Variants in MACROD1 observed in about 807,000 individuals in gnomAD.
MACROD1 encodes the protein ADP-ribose glycohydrolase MACROD1.
A neutral mutation model predicts 41.4 loss-of-function variants in MACROD1; 31 were observed. The observed-to-expected ratio is 0.75, with a 90% CI of 0.56 to 1.01. The LOEUF is 1.01. Ranked by LOEUF, MACROD1 falls within the 50% of genes least tolerant of loss-of-function variation. The pLI, the probability that MACROD1 is intolerant of heterozygous loss-of-function variation, is 0.00. For missense variants in MACROD1, 473 were observed against 460.0 expected (o/e 1.03, Z -0.26); for synonymous variants, 252 against 203.4 (o/e 1.24, Z -2.03).
At chr11:64,109,535 T>C (rs936268199) in intron 3 of MACROD1, among the ~76,000 whole-genome samples, 1 of 151,942 alleles carries the variant, frequency 6.6e-6, no homozygotes, top group Non-Finnish European at 1.5e-5. Context: ...GCCTCAGGAC[T>C]TCTCAGGGGT....
chr11:63,999,157 G>A, intron 8 of MACROD1, 121 bp from the exon 9 acceptor site: 1 of 1,310,382 alleles, frequency 7.6e-7, no homozygotes, highest in Non-Finnish European at 1.0e-6. Flanking sequence ...GAGGCTCACG[G>A]CTGTGTGCCA....
At chr11:64,114,924 A>T (rs984092092) in intron 3 of MACROD1, among the ~76,000 whole-genome samples, 5 of 152,214 alleles carry the variant, frequency 3.3e-5, no homozygotes, top group Admixed American at 6.5e-5. Flanking sequence ...AAGAAAAAGC[A>T]GCTCAGGAAT....
intron 3 of MACROD1, among the ~76,000 whole-genome samples, chr11:64,130,899 T>C (rs76523632): frequency 0.012 from 1,819 of 152,328 alleles, 30 homozygotes; most frequent in African/African-American, 0.042. Context: ...GAAATCTTAT[T>C]TGCAATGCTG....
chr11:64,113,607 A>G (rs1161316440), intron 3 of MACROD1, among the ~76,000 whole-genome samples: 9 of 1,726 alleles, frequency 5.2e-3, no homozygotes, highest in Admixed American at 0.014. Flanking sequence ...GGTTAGGTGG[A>G]TGGATGGATG....
intron 3 of MACROD1, among the ~76,000 whole-genome samples, chr11:64,034,859 G>T (rs1943344023): frequency 6.6e-6 from 1 of 152,202 alleles, no homozygotes; most frequent in Non-Finnish European, 1.5e-5. Context: ...AGGTGATGAG[G>T]TCTGACCAGG....
In MACROD1 at chr11:64,165,915, CG is replaced by C. The variant is rs1254261227; in HGVS notation, c.79del (p.Arg27GlyfsTer63). On this transcript the variant is annotated frameshift_variant, in exon 1 of 11. Coordinates refer to ENST00000255681, the MANE Select transcript of MACROD1 (RefSeq NM_014067.4). LOFTEE classifies it high-confidence loss of function. ...CGTGGCACCCGCCAAGTGTCCGGGC[CG>C]GGGGCGCGGGGGGACGAGCAGCTGC... ...AGQLLVPPRP[R>X]PGHLAGATRT... is the part of the protein sequence containing the mutation. 2.3e-6 allele frequency: 3 copies of C among 1,331,084 alleles called. No individual in the cohort carries two copies. Among genetic ancestry groups the C allele is most frequent in the Non-Finnish European group, 2.9e-6 (3 of 1,047,728 alleles). 82.5% of individuals were successfully genotyped at this position (1,331,084 alleles called of 1,614,324 possible).
At chr11:64,163,599 C>T (rs1945789731) in intron 1 of MACROD1, among the ~76,000 whole-genome samples, 1 of 152,200 alleles carries the variant, frequency 6.6e-6, no homozygotes, top group Admixed American at 6.5e-5. Context: ...AAGTGACCAA[C>T]CGAGGCCTCT....
chr11:64,072,052 C>T (rs746106272), intron 3 of MACROD1, among the ~76,000 whole-genome samples: 4 of 151,664 alleles, frequency 2.6e-5, no homozygotes, highest in Non-Finnish European at 5.9e-5. Context: ...GCACTAAATC[C>T]TCCCGGCAGA....
chr11:64,165,531 G>A (rs557528866), intron 1 of MACROD1, among the ~76,000 whole-genome samples, 166 bp downstream of exon 1: 27 of 151,694 alleles, frequency 1.8e-4, no homozygotes, highest in Middle Eastern at 6.9e-3. Context: ...CGCGGGGGCG[G>A]GGGGGGCTGT....
At chr11:64,151,024 T>G (rs968392495) in intron 3 of MACROD1, among the ~76,000 whole-genome samples, 1 of 152,052 alleles carries the variant, frequency 6.6e-6, no homozygotes, top group Non-Finnish European at 1.5e-5. Flanking sequence ...TGGGTCTCAG[T>G]GGAGCAAGGC....
chr11:64,108,991 T>A (rs1944813101), intron 3 of MACROD1, among the ~76,000 whole-genome samples: 2 of 152,200 alleles, frequency 1.3e-5, no homozygotes, highest in East Asian at 3.9e-4. Context: ...GGGGGAGACG[T>A]GACCAGCATC....
In MACROD1 at chr11:63,999,376, G is replaced by A. The variant is rs373560003; in HGVS notation, c.846C>T (p.Ile282=). Residue 282 remains isoleucine, a synonymous_variant, in exon 8 of 11, where the codon ATC becomes ATT. Transcript: ENST00000255681. The part of the protein sequence containing the change: ...FGYPCEAAAE[I]VLATLREWLE... ...GCCACTCTCGCAGCGTGGCCAGCAC[G>A]ATCTCGGCGGCCGCCTCACAGGGGT... is the stretch of plus-strand genomic sequence containing the variant. 6 of 1,592,538 alleles carry A rather than the reference G, an allele frequency of 3.8e-6. No homozygotes were observed. The African/African-American group carries it at 4.0e-5, about 11-fold the overall frequency.
chr11:64,131,835 T>C (rs941287171), intron 3 of MACROD1, among the ~76,000 whole-genome samples: 1 of 152,142 alleles, frequency 6.6e-6, no homozygotes, highest in Middle Eastern at 3.4e-3. Flanking sequence ...TGAGTAAATA[T>C]TTGTGGTTGG....
At chr11:64,060,164 C>T (rs932762291) in intron 3 of MACROD1, among the ~76,000 whole-genome samples, 3 of 152,238 alleles carry the variant, frequency 2.0e-5, no homozygotes, top group Non-Finnish European at 4.4e-5. Flanking sequence ...ATATTTAAGG[C>T]GCGGACGGCG....
At chr11:64,060,925 G>A (rs1295710394) in intron 3 of MACROD1, among the ~76,000 whole-genome samples, 1 of 151,878 alleles carries the variant, frequency 6.6e-6, no homozygotes, top group Non-Finnish European at 1.5e-5. Context: ...TGACCTTGGC[G>A]GGCATGCGCA....
chr11:64,156,586 A>G (rs1240776230), intron 1 of MACROD1, among the ~76,000 whole-genome samples: 1 of 152,204 alleles, frequency 6.6e-6, no homozygotes, highest in Non-Finnish European at 1.5e-5. Context: ...TGTTCTAGAG[A>G]GGAGGCAGAG....
intron 3 of MACROD1, among the ~76,000 whole-genome samples, chr11:64,114,343 T>TGATGGAGGGATGGTGGACA (rs1565239211): frequency 7.3e-6 from 1 of 136,252 alleles, no homozygotes; most frequent in Non-Finnish European, 1.6e-5. Context: ...AGTAGATACA[T>TGATGGAGGGATGGTGGACA]GATGGATGGA....
intron 1 of MACROD1, among the ~76,000 whole-genome samples, chr11:64,157,688 C>T (rs575234438): frequency 4.6e-5 from 7 of 152,118 alleles, no homozygotes; most frequent in African/African-American, 1.4e-4. Context: ...GTGCAGCGGG[C>T]GAATGGGAAT....
chr11:63,999,713 G>A lies in MACROD1; in HGVS notation c.715C>T (p.Gln239Ter). The A allele has an allele frequency of 6.2e-7, 1 of 1,608,942 alleles. No individual in the cohort carries two copies. Among genetic ancestry groups the A allele is most frequent in the Non-Finnish European group, 8.5e-7 (1 of 1,179,398 alleles). Residue 239 changes from glutamine (Q) to a stop codon, truncating the protein, a stop_gained, in exon 6 of 11, where the codon CAG becomes TAG. Transcript: ENST00000255681. LOFTEE classifies it high-confidence loss of function. ...TAGCAGCTGCGGAGCTCGGCAGCCT[G>A]ACTGGCGCTGGGCTCCCCGTAGGCG... ...PIAYGEPSAS[Q>*]AAELRSCYLS...
Sources: allele counts gnomAD v4.1 joint callset (sites outside exome capture counted in the v4.1 genomes callset), GRCh38; gene constraint gnomAD v4.1.1; transcripts MANE v1.5; gene names NCBI Gene and HGNC (gene_info 2026-07-23, HGNC 2026-07-21).